Variants in SDK2 observed in about 807,000 individuals in gnomAD.
SDK2 encodes the protein sidekick cell adhesion molecule 2, also known as protein sidekick-2.
In SDK2, 105 loss-of-function variants were observed where a neutral mutation model predicts 253.9. That is an observed-to-expected ratio of 0.41 (90% CI 0.35 to 0.49). The LOEUF (loss-of-function observed/expected upper bound fraction) is 0.49, where lower values mean the gene tolerates loss of function less well. Among genes scored for constraint, SDK2 ranks in the 20% least tolerant of loss-of-function variants. SDK2 has a pLI of 0.06. For missense variants in SDK2, 2,608 were observed against 3,003.0 expected, an observed-to-expected ratio of 0.87 and a Z score of 3.07; for synonymous variants, 1,249 against 1,234.9, an observed-to-expected ratio of 1.01 and a Z score of -0.24.
intron 1 of SDK2, among the ~76,000 whole-genome samples, chr17:73,509,113 C>T (rs563801203): frequency 2.0e-5 from 3 of 152,294 alleles, no homozygotes; most frequent in South Asian, 4.1e-4. Context: ...ACCTTCAGGC[C>T]AGTGGTGGGG....
intron 1 of SDK2, among the ~76,000 whole-genome samples, chr17:73,546,359 C>T (rs1267868559): frequency 6.6e-6 from 1 of 152,228 alleles, no homozygotes; most frequent in Non-Finnish European, 1.5e-5. Context: ...GGCACTTTTG[C>T]TCTGAAATGA....
chr17:73,405,510 A>G (rs1251941022), intron 18 of SDK2, among the ~76,000 whole-genome samples: 4 of 63,250 alleles, frequency 6.3e-5, no homozygotes, highest in African/African-American at 2.4e-4. Context: ...ATATATATAT[A>G]TATATATAAA....
Position 73,642,678 on chromosome 17 carries a change from AC to A in SDK2, c.64+1346del, listed in dbSNP as rs778663286. 6.6e-6 allele frequency among the ~76,000 whole-genome samples: 1 copy of A among 152,234 alleles called. No homozygotes were observed. The highest frequency in any genetic ancestry group is 1.5e-5 in the Non-Finnish European group (1 of 68,028). On this transcript the variant is annotated intron_variant, in intron 1 of 44. Transcript: ENST00000392650. This position sits in a 1 kb window ranked among gnomAD's most constrained non-coding sequence, Gnocchi z 4.7. ...CAGTTTCCCTATCTGTTAAATGGCT[AC>A]TAGAATAAGATGACCTCTGAGGTCC... is the stretch of plus-strand genomic sequence containing the variant.
intron 38 of SDK2, among the ~76,000 whole-genome samples, chr17:73,362,405 A>T (rs1205054346): frequency 8.9e-6 from 1 of 112,478 alleles, no homozygotes; most frequent in Admixed American, 8.6e-5. Context: ...TATCTGCCAC[A>T]ATTTTTTTTT....
chr17:73,553,181 G>GT (rs2145839967), intron 1 of SDK2, among the ~76,000 whole-genome samples: 1 of 152,318 alleles, frequency 6.6e-6, no homozygotes, highest in South Asian at 2.1e-4. Flanking sequence ...CTTCTGGGGT[G>GT]TGTGTGTGTT....
intron 6 of SDK2, among the ~76,000 whole-genome samples, chr17:73,440,297 A>G (rs2063404759): frequency 6.6e-6 from 1 of 151,598 alleles, no homozygotes; most frequent in African/African-American, 2.4e-5. Context: ...GTAGAGATGG[A>G]GTTTCTCCAT....
At chr17:73,625,162 G>A (rs971283878) in intron 1 of SDK2, among the ~76,000 whole-genome samples, 1 of 152,136 alleles carries the variant, frequency 6.6e-6, no homozygotes, top group African/African-American at 2.4e-5. Context: ...ATGAGACAGG[G>A]AGACAGAGGC....
At chr17:73,542,318 G>A (rs1205696336) in intron 1 of SDK2, among the ~76,000 whole-genome samples, 2 of 152,216 alleles carry the variant, frequency 1.3e-5, no homozygotes, top group African/African-American at 4.8e-5. Flanking sequence ...TGGTGGGGAT[G>A]GCTGCTCCTG....
chr17:73,417,019 T>TA lies in SDK2; in HGVS notation c.2187-1028dup, dbSNP rs550879091. On this transcript the variant is annotated intron_variant, in intron 16 of 44. Transcript: ENST00000392650. ...AAGAAAAAGTTATATCATAAATGCATAAAAATATACGTGTTAATCGACTGG... is the reference window on the plus strand; with the variant it reads ...AAGAAAAAGTTATATCATAAATGCATAAAAAATATACGTGTTAATCGACTGG... Among the ~76,000 whole-genome samples, 362 of 152,304 alleles carry TA rather than the reference T, an allele frequency of 2.4e-3. 3 individuals are homozygous for TA. Among genetic ancestry groups the TA allele is most frequent in the African/African-American group, 8.3e-3 (346 of 41,576 alleles).
At chr17:73,552,468 C>T (rs1009948354) in intron 1 of SDK2, among the ~76,000 whole-genome samples, 1 of 152,180 alleles carries the variant, frequency 6.6e-6, no homozygotes, top group East Asian at 1.9e-4. Flanking sequence ...CGCAGGGGAC[C>T]CTCCTGAGGG....
intron 44 of SDK2, among the ~76,000 whole-genome samples, chr17:73,343,168 C>T (rs893373929): frequency 3.9e-5 from 6 of 152,238 alleles, no homozygotes; most frequent in Non-Finnish European, 5.9e-5. Context: ...CCCGTCCTAC[C>T]AGCTACTATC....
intron 15 of SDK2, among the ~76,000 whole-genome samples, chr17:73,420,227 C>T (rs1326523119): frequency 6.6e-6 from 1 of 152,278 alleles, no homozygotes; most frequent in African/African-American, 2.4e-5. Flanking sequence ...TTTCACATCA[C>T]GGACACGTGT....
chr17:73,424,729 T>C (rs1233051898), intron 12 of SDK2, among the ~76,000 whole-genome samples: 2 of 152,192 alleles, frequency 1.3e-5, no homozygotes, highest in Non-Finnish European at 2.9e-5. Context: ...TGCCACACAA[T>C]GAACCCAGGC....
In SDK2 at chr17:73,569,540, T is replaced by C. The variant is rs146729652; in HGVS notation, c.65-61943A>G. On this transcript the variant is annotated intron_variant, in intron 1 of 44. Transcript: ENST00000392650. Reference sequence around the variant, plus strand: ...CGTGCCTATTAACCCTTGCAGCACATTGGAATCACGTGGTGAGGGATGGGG... The same window carrying C: ...CGTGCCTATTAACCCTTGCAGCACACTGGAATCACGTGGTGAGGGATGGGG... Among the ~76,000 whole-genome samples the C allele has an allele frequency of 3.2e-3, 493 of 151,812 alleles. 3 individuals are homozygous for C. The highest frequency in any genetic ancestry group is 0.012 in the African/African-American group (482 of 41,408).
chr17:73,378,430 T>C (rs1186251279), intron 36 of SDK2, among the ~76,000 whole-genome samples: 1 of 151,884 alleles, frequency 6.6e-6, no homozygotes, highest in Non-Finnish European at 1.5e-5. Flanking sequence ...TTTAATTTTT[T>C]TTTTTTTGAG....
In SDK2 at chr17:73,541,085, G is replaced by T. The variant is rs893584024; in HGVS notation, c.65-33488C>A. Among the ~76,000 whole-genome samples the T allele has an allele frequency of 1.3e-5, 2 of 152,222 alleles. No homozygotes were observed. The highest frequency in any genetic ancestry group is 2.4e-5 in the African/African-American group (1 of 41,466). ...TGAGAGTAGGTGTCTGCCAGTGTCT[G>T]CCCAGCCCCTAACATGGGGCACCCC... On this transcript the variant is annotated intron_variant, in intron 1 of 44. Coordinates refer to ENST00000392650, the MANE Select transcript of SDK2 (RefSeq NM_001144952.2). This position sits in a 1 kb window ranked among gnomAD's most constrained non-coding sequence, Gnocchi z 4.3.
intron 1 of SDK2, among the ~76,000 whole-genome samples, chr17:73,611,592 T>C (rs2045975548): frequency 6.6e-6 from 1 of 152,226 alleles, no homozygotes; most frequent in Non-Finnish European, 1.5e-5. Flanking sequence ...CACGGCCTCA[T>C]GGAGGCCTGA....
chr17:73,548,349 G>A (rs1276570355), intron 1 of SDK2, among the ~76,000 whole-genome samples: 1 of 152,150 alleles, frequency 6.6e-6, no homozygotes, highest in Non-Finnish European at 1.5e-5. Flanking sequence ...CTGGTGGTGC[G>A]ACCTGTGCCT....
At position 73,469,981 on chromosome 17, in the gene SDK2, TGCGC is replaced by T. The variant is rs10622822; in HGVS notation, c.331+2127_331+2130del. ...TGGCATCCTGAATGGCATTTGCGAC[TGCGC>T]GCGCGCGCACACACACACACACACA... On this transcript the variant is annotated intron_variant, in intron 3 of 44. Transcript: ENST00000392650. Among the ~76,000 whole-genome samples, 810 of 129,610 alleles carry T rather than the reference TGCGC, an allele frequency of 6.2e-3. 9 individuals carry two copies. Among genetic ancestry groups the T allele is most frequent in the East Asian group, 0.042 (172 of 4,108 alleles). 85.0% of individuals were successfully genotyped at this position (129,610 alleles called of 152,430 possible).
Sources: allele counts gnomAD v4.1 joint callset (sites outside exome capture counted in the v4.1 genomes callset), GRCh38; gene constraint gnomAD v4.1.1; non-coding constraint Gnocchi (gnomAD v3.1); transcripts MANE v1.5; gene names NCBI Gene and HGNC (gene_info 2026-07-23, HGNC 2026-07-21).